The following PALD1 variants were observed in gnomAD, a reference collection of about 807,000 sequenced individuals.
PALD1 encodes the protein phosphatase domain containing paladin 1, also known as paladin.
A neutral mutation model predicts 96.0 loss-of-function variants in PALD1; 57 were observed. The observed-to-expected ratio is 0.59, with a 90% CI of 0.48 to 0.74. PALD1 has a LOEUF of 0.74. Ranked by LOEUF, PALD1 falls within the 30% of genes least tolerant of loss-of-function variation. The pLI is 0.00. For synonymous variants in PALD1, 464 were observed against 473.6 expected (o/e 0.98, Z 0.26); for missense variants, 1,063 against 1,143.7 (o/e 0.93, Z 1.02).
chr10:70,539,594 G>T lies in PALD1; in HGVS notation c.1740G>T (p.Gln580His). ...APDQLETLEAQLKAHLSEPPP... is the reference protein window; with the variant it reads ...APDQLETLEAHLKAHLSEPPP... ...CCCTTGCCCAGACCCTGGAGGCCCAGCTGAAGGCCCATCTAAGCGAGCCTC... is the reference window on the plus strand; with the variant it reads ...CCCTTGCCCAGACCCTGGAGGCCCATCTGAAGGCCCATCTAAGCGAGCCTC... Residue 580 changes from glutamine to histidine, a missense_variant, in exon 15 of 20, where the codon CAG (glutamine) becomes CAT (histidine). Transcript: ENST00000263563. This position sits in a 1 kb window ranked among gnomAD's most constrained non-coding sequence, Gnocchi z 4.5. 2.5e-6 allele frequency: 4 copies of T among 1,610,626 alleles called. No homozygotes were observed. The highest frequency in any genetic ancestry group is 3.4e-6 in the Non-Finnish European group (4 of 1,178,148).
intron 1 of PALD1, among the ~76,000 whole-genome samples, chr10:70,480,437 T>A (rs1388052081): frequency 6.6e-6 from 1 of 152,026 alleles, no homozygotes; most frequent in Non-Finnish European, 1.5e-5. Flanking sequence ...TTCCTATGAG[T>A]GCAGACAGAC....
chr10:70,518,805 A>G (rs969017321), intron 1 of PALD1, among the ~76,000 whole-genome samples: 3 of 151,922 alleles, frequency 2.0e-5, no homozygotes, highest in African/African-American at 7.3e-5. Flanking sequence ...TTCAAACCCC[A>G]CCTCACCCCA....
chr10:70,508,545 C>T (rs1564690367), intron 1 of PALD1, among the ~76,000 whole-genome samples: 1 of 152,212 alleles, frequency 6.6e-6, no homozygotes, highest in South Asian at 2.1e-4. Flanking sequence ...CTGGCCCCAG[C>T]TGGACGTGCC....
chr10:70,469,173 G>A, the PALD1 span, among the ~76,000 whole-genome samples: 2 of 152,158 alleles, frequency 1.3e-5, no homozygotes, highest in Admixed American at 6.5e-5. Context: ...GGTCAGATTG[G>A]CCTATCAGCC....
chr10:70,459,932 C>T, the PALD1 span, among the ~76,000 whole-genome samples: 3 of 152,234 alleles, frequency 2.0e-5, no homozygotes, highest in African/African-American at 7.2e-5. Flanking sequence ...TGCCTACACT[C>T]CCCGCTTCAC....
chr10:70,543,404 T>A (rs772535206), intron 17 of PALD1, among the ~76,000 whole-genome samples: 5 of 152,216 alleles, frequency 3.3e-5, no homozygotes, highest in Non-Finnish European at 7.3e-5. Context: ...TGTCTGTTTT[T>A]TCTTTTGTTG....
chr10:70,523,475 C>T (rs570852379), intron 1 of PALD1, among the ~76,000 whole-genome samples: 3 of 152,120 alleles, frequency 2.0e-5, no homozygotes, highest in Admixed American at 1.3e-4. Context: ...TGATGAGGGC[C>T]GTTTGGGGCC....
chr10:70,535,824 C>T (rs1353689796), intron 10 of PALD1, among the ~76,000 whole-genome samples: 1 of 152,092 alleles, frequency 6.6e-6, no homozygotes, highest in South Asian at 2.1e-4. Context: ...CCTCAACCTC[C>T]TGAGTATCTG....
chr10:70,563,994 C>T (rs187425675), intron 18 of PALD1, among the ~76,000 whole-genome samples: 25 of 152,304 alleles, frequency 1.6e-4, no homozygotes, highest in African/African-American at 5.8e-4. Flanking sequence ...AGGGTCCTCC[C>T]ACCCTGGGCA....
intron 1 of PALD1, among the ~76,000 whole-genome samples, chr10:70,490,005 C>G (rs1411314051): frequency 6.6e-6 from 1 of 151,974 alleles, no homozygotes; most frequent in Non-Finnish European, 1.5e-5. Context: ...TGATGGCAAC[C>G]TCCGCCTCCC....
intron 5 of PALD1, 64 bp downstream of exon 5, chr10:70,531,518 T>C (rs1846990644): frequency 1.4e-6 from 2 of 1,476,182 alleles, no homozygotes; most frequent in Non-Finnish European, 1.8e-6. Context: ...ATGCTCTTTT[T>C]GGGGCCAGCT....
intron 9 of PALD1, 32 bp downstream of exon 9, chr10:70,534,556 G>T (rs527855926): frequency 6.7e-7 from 1 of 1,484,150 alleles, no homozygotes; most frequent in African/African-American, 1.4e-5. Flanking sequence ...GCTGGGGCAG[G>T]GGTGGTGGAG....
chr10:70,546,973 C>T (rs981049093), intron 17 of PALD1, among the ~76,000 whole-genome samples: 4 of 152,184 alleles, frequency 2.6e-5, no homozygotes. Context: ...ACAACAACAA[C>T]AATAAATGTC....
In PALD1 at chr10:70,566,631, C is replaced by T. The variant is rs375171084; in HGVS notation, c.2469C>T (p.Pro823=). Reference sequence around the variant, plus strand: ...AGATCCTTAACGAGCTGGGCTTCCCCGAGCTGGAGAGCGGGGAGGACCAGC... The same window carrying T: ...AGATCCTTAACGAGCTGGGCTTCCCTGAGCTGGAGAGCGGGGAGGACCAGC... ...IYEILNELGF[P]ELESGEDQPF... Residue 823 remains proline, a synonymous_variant, in exon 20 of 20, where the codon CCC becomes CCT. Coordinates refer to ENST00000263563, the MANE Select transcript of PALD1 (RefSeq NM_014431.3). 9.6e-5 allele frequency: 155 copies of T among 1,611,000 alleles called. No individual in the cohort carries two copies. Among genetic ancestry groups the T allele is most frequent in the Admixed American group, 1.3e-4 (8 of 59,816 alleles).
the PALD1 span, among the ~76,000 whole-genome samples, chr10:70,461,764 G>C: frequency 6.6e-6 from 1 of 152,098 alleles, no homozygotes; most frequent in Non-Finnish European, 1.5e-5. Context: ...TGAGATTTAC[G>C]ACTTGGCATT....
chr10:70,520,532 C>G (rs776498094), intron 1 of PALD1, among the ~76,000 whole-genome samples: 5 of 152,204 alleles, frequency 3.3e-5, no homozygotes, highest in Non-Finnish European at 5.9e-5. Flanking sequence ...GCTCACCACT[C>G]TGGCAGGTTG....
chr10:70,542,361 T>A (rs1198003276), intron 17 of PALD1, among the ~76,000 whole-genome samples: 3 of 152,248 alleles, frequency 2.0e-5, no homozygotes, highest in Non-Finnish European at 4.4e-5. Context: ...ATTCACGTTG[T>A]TGTGCAACTG....
intron 1 of PALD1, among the ~76,000 whole-genome samples, chr10:70,479,760 C>T (rs1845897150): frequency 6.6e-6 from 1 of 152,138 alleles, no homozygotes. Flanking sequence ...AGCCAGAGGC[C>T]CAGGAACCAA....
At chr10:70,532,810 C>T (rs376749708) in intron 6 of PALD1, 29 bp downstream of exon 6, 3 of 1,610,414 alleles carry the variant, frequency 1.9e-6, no homozygotes, top group South Asian at 2.2e-5. Flanking sequence ...CAGCCCTGGC[C>T]ATGGGTGCTC....
Sources: gnomAD v4.1 joint callset for allele counts (sites outside exome capture counted in the v4.1 genomes callset) on GRCh38, gnomAD v4.1.1 for gene constraint, Gnocchi (gnomAD v3.1) non-coding constraint, MANE v1.5 for transcripts, NCBI Gene and HGNC (gene_info 2026-07-23, HGNC 2026-07-21) for gene names.